CEACAM1: variants seen among roughly 807,000 people sequenced by gnomAD.
CEACAM1 encodes the protein CEA cell adhesion molecule 1, also known as cell adhesion molecule CEACAM1.
A neutral mutation model predicts 49.1 loss-of-function variants in CEACAM1; 31 were observed. The observed-to-expected ratio is 0.63, with a 90% confidence interval of 0.47 to 0.85. The LOEUF (loss-of-function observed/expected upper bound fraction) is 0.85, where lower values mean the gene tolerates loss of function less well. Among genes scored for constraint, CEACAM1 ranks in the 40% least tolerant of loss-of-function variants. The pLI, the probability that CEACAM1 is intolerant of heterozygous loss-of-function variation, is 0.00. For missense variants in CEACAM1, 570 were observed against 645.3 expected (o/e 0.88, Z 1.26); for synonymous variants, 244 against 247.8 (o/e 0.98, Z 0.14).
In CEACAM1 at chr19:42,528,293, A is replaced by C. The variant is rs1361609229; in HGVS notation, c.64+18T>G. The C allele has an allele frequency of 6.2e-7, 1 of 1,610,246 alleles. No individual in the cohort carries two copies. Among genetic ancestry groups the C allele is most frequent in the Non-Finnish European group, 8.5e-7 (1 of 1,177,500 alleles). On this transcript the variant is annotated intron_variant, in intron 1 of 8. Transcript: ENST00000161559. ...GTGCGCCCTCTTTCCGCCCCTTCCC[A>C]GGGTGTCCTCCCCTCACCTGTGAGC... is the stretch of plus-strand genomic sequence containing the variant.
intron 5 of CEACAM1, chr19:42,515,050 C>CT (rs1319184898): frequency 1.2e-5 from 8 of 674,568 alleles, no homozygotes; most frequent in African/African-American, 5.3e-5. Context: ...GGGAGGATTG[C>CT]TTGAGCCCAG....
chr19:42,525,167 A>T (rs2041858431), intron 2 of CEACAM1, among the ~76,000 whole-genome samples: 1 of 146,620 alleles, frequency 6.8e-6, no homozygotes, highest in Non-Finnish European at 1.5e-5. Flanking sequence ...ACATCAGGAA[A>T]CACAGGATTT....
Position 42,512,402 on chromosome 19 carries a change from C to G in CEACAM1, c.1324G>C (p.Ala442Pro), listed in dbSNP as rs777352145. ...GIVIGVVALVALIAVALACFL... is the reference protein window; with the variant it reads ...GIVIGVVALVPLIAVALACFL... ...CATGCCAGGGCTACTGCTATCAGAG[C>G]AACCAGGGCCACTACTCCAATCACA... Residue 442 changes from alanine (A) to proline (P), a missense_variant, in exon 6 of 9, where the codon GCT becomes CCT. Coordinates refer to ENST00000161559, the MANE Select transcript of CEACAM1 (RefSeq NM_001712.5). 10 of 1,614,192 alleles carry G rather than the reference C, an allele frequency of 6.2e-6. No homozygotes were observed.
At chr19:42,525,539 A>G (rs903668006) in intron 2 of CEACAM1, 2 of 152,146 alleles carry the variant, frequency 1.3e-5, no homozygotes, top group East Asian at 3.8e-4. Flanking sequence ...AGGCCTGAAC[A>G]TTTCTGACAC....
chr19:42,521,172 A>T (rs950475073), intron 4 of CEACAM1, 95 bp downstream of exon 4: 18 of 1,407,174 alleles, frequency 1.3e-5, no homozygotes, highest in Non-Finnish European at 1.8e-5. Context: ...CCTGTTGGAT[A>T]CAGGCTGCAA....
Position 42,510,897 on chromosome 19 carries a change from G to T in CEACAM1, c.1453C>A (p.Pro485Thr). The stretch of plus-strand genomic sequence containing the variant: ...AAACCGGCTATGCTTACCTTGTTAG[G>T]TGGGTCATTGGAGTGGTCCTGAGCT... ...NHTQDHSNDP[P>T]NKMNEVTYST... is the part of the protein sequence containing the mutation. The change falls in exon 8 of 9, where the codon CCT becomes ACT. Residue 485 changes from proline (P) to threonine (T), a missense_variant. Transcript: ENST00000161559. The T allele has an allele frequency of 6.2e-7, 1 of 1,613,826 alleles. No homozygotes were observed. The highest frequency in any genetic ancestry group is 8.5e-7 in the Non-Finnish European group (1 of 1,179,698).
intron 5 of CEACAM1, among the ~76,000 whole-genome samples, chr19:42,512,868 A>G (rs771832320): frequency 3.4e-4 from 52 of 152,118 alleles, no homozygotes; most frequent in Non-Finnish European, 4.9e-4. Context: ...GGGTTTCACC[A>G]TATTGGTCAG....
intron 7 of CEACAM1, chr19:42,511,173 GT>G (rs2041447261): frequency 5.1e-6 from 3 of 584,414 alleles, no homozygotes; most frequent in Non-Finnish European, 9.2e-6. Context: ...GCCCAGATGT[GT>G]TTCTCAGCAA....
At chr19:42,511,736 C>A in intron 6 of CEACAM1, 108 bp from the exon 7 acceptor site, 1 of 998,512 alleles carries the variant, frequency 1.0e-6, no homozygotes, top group Non-Finnish European at 1.6e-6. Flanking sequence ...CCTTGATGTT[C>A]ATACTGCCTT....
At chr19:42,511,048 A>C in intron 7 of CEACAM1, 128 bp from the exon 8 acceptor site, 1 of 833,854 alleles carries the variant, frequency 1.2e-6, no homozygotes, top group East Asian at 2.5e-5. Context: ...TACTTCCCTC[A>C]GAGTGTATGG....
chr19:42,527,778 C>A, intron 1 of CEACAM1: 1 of 213,048 alleles, frequency 4.7e-6, no homozygotes. Context: ...GGGCTCTTGT[C>A]AACACCTGAC....
In CEACAM1 at chr19:42,508,284, A is replaced by G. The variant is rs1178004557; in HGVS notation, c.*825T>C. On this transcript the variant is annotated 3_prime_UTR_variant, in exon 9 of 9. Coordinates refer to ENST00000161559, the MANE Select transcript of CEACAM1 (RefSeq NM_001712.5). ...AGGGCAGCTCTCTGATTCCTTTCCCAAGTTCCTAGCAGATTGTGTTTATCA... is the reference window on the plus strand; with the variant it reads ...AGGGCAGCTCTCTGATTCCTTTCCCGAGTTCCTAGCAGATTGTGTTTATCA... 2.0e-5 allele frequency: 3 copies of G among 152,222 alleles called. No homozygotes were observed. Among genetic ancestry groups the G allele is most frequent in the African/African-American group, 7.2e-5 (3 of 41,464 alleles). The allele number at this position is 152,222 out of a possible 1,614,324, so 9.4% of individuals were successfully genotyped here.
At position 42,521,108 on chromosome 19, in the gene CEACAM1, G is replaced by T. The variant is rs890618754; in HGVS notation, c.958+159C>A. On this transcript the variant is annotated intron_variant, in intron 4 of 8. Coordinates refer to ENST00000161559, the MANE Select transcript of CEACAM1 (RefSeq NM_001712.5). ...AGAAATCAGAAAAACAAAGGGAAGA[G>T]AGTCTGCACAGATGAATTGAGAGGG... The T allele has an allele frequency of 2.2e-5, 17 of 780,866 alleles. No homozygotes were observed. The African/African-American group carries it at 2.6e-4, about 12-fold the overall frequency. 48.4% of individuals were successfully genotyped at this position (780,866 alleles called of 1,614,324 possible). A position where few individuals can be genotyped will look rare whatever the true frequency, so the allele number is the denominator to read the frequency against.
At chr19:42,509,950 G>A (rs2041416869) in intron 8 of CEACAM1, among the ~76,000 whole-genome samples, 1 of 151,798 alleles carries the variant, frequency 6.6e-6, no homozygotes, top group East Asian at 1.9e-4. Context: ...TTTAAGGGGA[G>A]GTCATGTAGT....
chr19:42,520,711 C>G (rs79475335), intron 4 of CEACAM1: 1 of 154,570 alleles, frequency 6.5e-6, no homozygotes, highest in Admixed American at 6.4e-5. Flanking sequence ...TGACAGGCCA[C>G]CTGGACACCT....
chr19:42,510,121 T>C (rs925474406), intron 8 of CEACAM1, among the ~76,000 whole-genome samples: 6 of 152,224 alleles, frequency 3.9e-5, no homozygotes, highest in African/African-American at 1.4e-4. Context: ...AGTTTCCCTC[T>C]GTCGCCCAGG....
chr19:42,511,321 G>C (rs1302058741), intron 7 of CEACAM1: 4 of 586,664 alleles, frequency 6.8e-6, no homozygotes, highest in Non-Finnish European at 1.2e-5. Context: ...TGAGGAAATG[G>C]CTCCTGGAAA....
rs1191357559 is a variant in CEACAM1 at position 42,518,927 on chromosome 19, A to C, written c.1246+21T>G. 8.1e-6 allele frequency: 13 copies of C among 1,613,494 alleles called. No homozygotes were observed. In the Admixed American group the frequency reaches 1.8e-4, roughly 23 times the overall value. ...GAGTAATCCTAGAGGGACATATAGGAAGGGGTGAGGAGTCACTTACAGTTT... is the reference window on the plus strand; with the variant it reads ...GAGTAATCCTAGAGGGACATATAGGCAGGGGTGAGGAGTCACTTACAGTTT... On this transcript the variant is annotated intron_variant, in intron 5 of 8. Transcript: ENST00000161559.
In CEACAM1 at chr19:42,519,154, G is replaced by GTCAGGTTCACAGAGTCCTTATC. The variant is rs2041676641; in HGVS notation, c.1018_1039dup (p.Thr347ArgfsTer2). ...GATTCCAGTGTCATTTGTGGAGCAG[G>GTCAGGTTCACAGAGTCCTTATC]TCAGGTTCACAGAGTCCTTATCTCC... On this transcript the variant is annotated stop_gained and frameshift_variant, in exon 5 of 9. Coordinates refer to ENST00000161559, the MANE Select transcript of CEACAM1 (RefSeq NM_001712.5). LOFTEE classifies it high-confidence loss of function. 1 of 1,614,012 alleles carries GTCAGGTTCACAGAGTCCTTATC rather than the reference G, an allele frequency of 6.2e-7. No individual in the cohort carries two copies. The highest frequency in any genetic ancestry group is 8.5e-7 in the Non-Finnish European group (1 of 1,179,988).
Sources: gnomAD v4.1 joint callset for allele counts (sites outside exome capture counted in the v4.1 genomes callset) on GRCh38, gnomAD v4.1.1 for gene constraint, MANE v1.5 for transcripts, NCBI Gene and HGNC (gene_info 2026-07-23, HGNC 2026-07-21) for gene names.